The following TADA2A variants were observed in gnomAD, a reference collection of about 807,000 sequenced individuals.
The protein encoded by TADA2A is transcriptional adapter 2-alpha.
A neutral mutation model predicts 67.4 loss-of-function variants in TADA2A; 38 were observed. The ratio of observed to expected loss-of-function variants is 0.56; its 90% CI spans 0.44 to 0.74. The LOEUF (loss-of-function observed/expected upper bound fraction) is 0.74, where lower values mean the gene tolerates loss of function less well. Among genes scored for constraint, TADA2A ranks in the 30% least tolerant of loss-of-function variants. The pLI, the probability that TADA2A is intolerant of heterozygous loss-of-function variation, is 0.00. For synonymous variants in TADA2A, 192 were observed against 181.6 expected (o/e 1.06, Z -0.46); for missense variants, 454 against 547.0 (o/e 0.83, Z 1.70).
chr17:37,437,110 G>C (rs1171475879), intron 4 of TADA2A, among the ~76,000 whole-genome samples: 2 of 150,190 alleles, frequency 1.3e-5, no homozygotes, highest in Admixed American at 1.3e-4. Context: ...TTTTGAAACG[G>C]AGTCTTGCTC....
intron 3 of TADA2A, among the ~76,000 whole-genome samples, chr17:37,425,413 A>G (rs1158812892): frequency 6.6e-6 from 1 of 152,200 alleles, no homozygotes; most frequent in African/African-American, 2.4e-5. Flanking sequence ...CCCTTAAATC[A>G]TCACTGTAAT....
chr17:37,469,823 T>C (rs1170546205), intron 12 of TADA2A, among the ~76,000 whole-genome samples: 1 of 152,220 alleles, frequency 6.6e-6, no homozygotes, highest in African/African-American at 2.4e-5. Flanking sequence ...TATTTTGGAA[T>C]CTGTGAACCT....
At chr17:37,463,408 G>A (rs996264342) in intron 10 of TADA2A, among the ~76,000 whole-genome samples, 2 of 151,690 alleles carry the variant, frequency 1.3e-5, no homozygotes. Context: ...ATATAGCATC[G>A]TAGGGTTCAG....
intron 4 of TADA2A, among the ~76,000 whole-genome samples, chr17:37,432,400 C>CA (rs2052596992): frequency 6.6e-6 from 1 of 151,786 alleles, no homozygotes; most frequent in Admixed American, 6.6e-5. Context: ...CCCCTGACCT[C>CA]AGGTGATCCA....
chr17:37,427,393 CAG>C (rs1163188114), intron 4 of TADA2A, among the ~76,000 whole-genome samples: 2 of 152,148 alleles, frequency 1.3e-5, no homozygotes, highest in Non-Finnish European at 2.9e-5. Flanking sequence ...TTCATGTGGA[CAG>C]TGGTGTTTTT....
chr17:37,437,791 C>T lies in TADA2A; in HGVS notation c.246C>T (p.Ala82=). Residue 82 remains alanine, a synonymous_variant, in exon 5 of 16, where the codon GCC becomes GCT. Transcript: ENST00000615182. ...GCTGGACTGCTCAAGAAGAAATGGC[C>T]CTTTTAGAAGCTGTGATGGACTGTG... ...DPSWTAQEEM[A]LLEAVMDCGF... is the part of the protein sequence containing the mutation. 1 of 1,614,140 alleles carries T rather than the reference C, an allele frequency of 6.2e-7. No individual in the cohort carries two copies. Among genetic ancestry groups the T allele is most frequent in the Non-Finnish European group, 8.5e-7 (1 of 1,180,026 alleles).
Position 37,465,533 on chromosome 17 carries a change from G to A in TADA2A, c.815G>A (p.Ser272Asn). Residue 272 changes from serine (S) to asparagine (N), a missense_variant, in exon 11 of 16, where the codon AGC (serine) becomes AAC (asparagine). Coordinates refer to ENST00000615182, the MANE Select transcript of TADA2A (RefSeq NM_001166105.3). ...GPVEHDKFIE[S>N]HALEFELRRE... ...GTGGAACATGACAAATTCATTGAAA[G>A]CCATGCATGTAGGTGGTTTTTGAGC... The A allele has an allele frequency of 6.2e-7, 1 of 1,614,114 alleles. No individual in the cohort carries two copies. The highest frequency in any genetic ancestry group is 8.5e-7 in the Non-Finnish European group (1 of 1,180,030).
intron 2 of TADA2A, among the ~76,000 whole-genome samples, chr17:37,418,596 C>CT (rs946056076): frequency 1.4e-3 from 206 of 145,030 alleles, no homozygotes; most frequent in South Asian, 3.1e-3. Context: ...TTTTCTTTTT[C>CT]TTTTTTTTTT....
intron 7 of TADA2A, 49 bp downstream of exon 7, chr17:37,442,701 T>C (rs2052958503): frequency 7.7e-6 from 12 of 1,560,246 alleles, no homozygotes; most frequent in Non-Finnish European, 1.1e-5. Context: ...TCATTTTTGT[T>C]TCTCATGAGC....
intron 1 of TADA2A, among the ~76,000 whole-genome samples, chr17:37,410,406 G>A (rs1292498609): frequency 1.3e-5 from 2 of 150,656 alleles, no homozygotes; most frequent in Non-Finnish European, 2.9e-5. Context: ...GAACTCCTGG[G>A]TCCCAGTAAT....
At chr17:37,475,912 TGTTCCTCTTTTGGAGGA>T (rs1324501813) in intron 15 of TADA2A, among the ~76,000 whole-genome samples, 1 of 152,268 alleles carries the variant, frequency 6.6e-6, no homozygotes, top group South Asian at 2.1e-4. Context: ...CTCTGAAGTC[TGTTCCTCTTTTGGAGGA>T]GTTCCTCTTT....
chr17:37,428,687 T>G (rs1419816660), intron 4 of TADA2A, among the ~76,000 whole-genome samples: 1 of 152,150 alleles, frequency 6.6e-6, no homozygotes, highest in Admixed American at 6.5e-5. Context: ...GCTTAAGCTA[T>G]CCTATCTCAG....
In TADA2A at chr17:37,468,941, C is replaced by T. The variant is rs533320969; in HGVS notation, c.895+1416C>T. ...TTTGAGACGGAGTCTGGCTCTGTTGCGCAGGCTGGAGTTCAGTGGTGCCAT... is the reference window on the plus strand; with the variant it reads ...TTTGAGACGGAGTCTGGCTCTGTTGTGCAGGCTGGAGTTCAGTGGTGCCAT... On this transcript the variant is annotated intron_variant, in intron 12 of 15. Transcript: ENST00000615182. 7.3e-5 allele frequency among the ~76,000 whole-genome samples: 11 copies of T among 151,648 alleles called. No homozygotes were observed. In the East Asian group the frequency reaches 1.4e-3, roughly 19 times the overall value.
chr17:37,458,779 T>C (rs961508776), intron 9 of TADA2A, among the ~76,000 whole-genome samples, 192 bp downstream of exon 9: 22 of 151,888 alleles, frequency 1.4e-4, no homozygotes, highest in Non-Finnish European at 7.4e-5. Flanking sequence ...CAGGCTCAAT[T>C]GATTCTCCCA....
intron 8 of TADA2A, among the ~76,000 whole-genome samples, chr17:37,453,863 T>C (rs1432720123): frequency 1.5e-4 from 21 of 143,856 alleles, no homozygotes; most frequent in Non-Finnish European, 1.5e-5. Context: ...CTCTGCCTTC[T>C]GGGTTCAAGA....
chr17:37,413,112 A>G (rs2051929314), intron 2 of TADA2A, among the ~76,000 whole-genome samples: 1 of 152,004 alleles, frequency 6.6e-6, no homozygotes, highest in African/African-American at 2.4e-5. Flanking sequence ...TTTTTAGTAG[A>G]TACAGGGTTT....
intron 5 of TADA2A, 30 bp downstream of exon 5, chr17:37,437,859 C>T (rs375051830): frequency 1.1e-5 from 18 of 1,576,960 alleles, no homozygotes; most frequent in Non-Finnish European, 1.4e-5. Flanking sequence ...AGTTGTCCTG[C>T]CCTAGTGGAC....
At chr17:37,445,752 C>G (rs956004127) in intron 8 of TADA2A, among the ~76,000 whole-genome samples, 18 of 150,442 alleles carry the variant, frequency 1.2e-4, no homozygotes, top group Non-Finnish European at 2.1e-4. Flanking sequence ...ATAATAATAC[C>G]CAATACTTTT....
intron 13 of TADA2A, 83 bp downstream of exon 13, chr17:37,470,615 C>T: frequency 1.5e-6 from 2 of 1,368,850 alleles, no homozygotes; most frequent in East Asian, 2.5e-5. Context: ...CCCTAGATGG[C>T]AGAGTAATAA....
Sources: gnomAD v4.1 joint callset for allele counts (sites outside exome capture counted in the v4.1 genomes callset) on GRCh38, gnomAD v4.1.1 for gene constraint, MANE v1.5 for transcripts, NCBI Gene and HGNC (gene_info 2026-07-23, HGNC 2026-07-21) for gene names.